The following CTDP1 variants were observed in gnomAD, a reference collection of about 807,000 sequenced individuals.
The protein encoded by CTDP1 is RNA polymerase II subunit A C-terminal domain phosphatase.
Under a neutral mutation model 91.8 loss-of-function variants are expected in CTDP1, and 47 were observed. The observed-to-expected ratio is 0.51, with a 90% confidence interval of 0.41 to 0.65. CTDP1 has a LOEUF of 0.65. Ranked by LOEUF, CTDP1 falls within the 30% of genes least tolerant of loss-of-function variation. The probability of loss-of-function intolerance (pLI) is 0.00; values close to 1 mark genes in which losing one functional copy is unlikely to be tolerated. For synonymous variants in CTDP1, 656 were observed against 598.5 expected, an observed-to-expected ratio of 1.10 and a Z score of -1.40; for missense variants, 1,272 against 1,373.7, an observed-to-expected ratio of 0.93 and a Z score of 1.17.
At chr18:79,701,246 C>G (rs557014524) in intron 4 of CTDP1, among the ~76,000 whole-genome samples, 2 of 152,224 alleles carry the variant, frequency 1.3e-5, no homozygotes, top group African/African-American at 4.8e-5. Context: ...CGCGGTGGCT[C>G]ACACCTATAA....
chr18:79,693,742 C>T (rs1362117361), intron 1 of CTDP1, among the ~76,000 whole-genome samples: 1 of 152,160 alleles, frequency 6.6e-6, no homozygotes, highest in Non-Finnish European at 1.5e-5. Context: ...CAGGGTGATC[C>T]GCACACGCCC....
chr18:79,745,363 C>G (rs74756922), intron 12 of CTDP1, among the ~76,000 whole-genome samples: 3 of 62,664 alleles, frequency 4.8e-5, no homozygotes, highest in Non-Finnish European at 8.7e-5. Flanking sequence ...CTCCCGTGCG[C>G]GTTCTGTGCC....
chr18:79,736,242 C>T (rs1282879302), intron 11 of CTDP1, 113 bp from the exon 12 acceptor site: 3 of 1,388,356 alleles, frequency 2.2e-6, no homozygotes, highest in African/African-American at 1.4e-5. Flanking sequence ...AGAGTGCTAC[C>T]TCCAGCCCCC....
chr18:79,736,360 C>T lies in CTDP1; in HGVS notation c.2586C>T (p.Asp862=), dbSNP rs758980034. The T allele has an allele frequency of 5.8e-6, 9 of 1,548,978 alleles. No individual in the cohort carries two copies. The South Asian group carries it at 7.1e-5, about 12-fold the overall frequency. The part of the protein sequence containing the change: ...EDLESMDKEV[D]DILGEGSDDS... Reference sequence around the variant, plus strand: ...GACTCTTGGCTGTTTGTCAGGTGGACGACATCCTTGGAGAAGGCAGCGACG... The same window carrying T: ...GACTCTTGGCTGTTTGTCAGGTGGATGACATCCTTGGAGAAGGCAGCGACG... The change falls in exon 12 of 13, where the codon GAC becomes GAT. Residue 862 remains aspartate, a synonymous_variant. Transcript: ENST00000613122.
At chr18:79,701,456 GC>G (rs2085854200) in intron 4 of CTDP1, among the ~76,000 whole-genome samples, 1 of 151,720 alleles carries the variant, frequency 6.6e-6, no homozygotes. Flanking sequence ...CTTGCAGTGA[GC>G]CACGATCGCA....
rs541320931 is a variant in CTDP1 at position 79,713,153 on chromosome 18, T to C, written c.1030+15T>C. 6.8e-6 allele frequency: 11 copies of C among 1,612,750 alleles called. No individual in the cohort carries two copies. In the South Asian group the frequency reaches 1.1e-4, roughly 16 times the overall value. On this transcript the variant is annotated intron_variant, in intron 7 of 12. Coordinates refer to ENST00000613122, the MANE Select transcript of CTDP1 (RefSeq NM_004715.5). The surrounding 1 kb of genome is among the most constrained non-coding windows in gnomAD (Gnocchi z 4.7). ...GAGAAAGAAAGGTGGGTAACCTCCT[T>C]CCTGATTCTCTAGAAGAATTCACAT...
intron 10 of CTDP1, among the ~76,000 whole-genome samples, chr18:79,725,379 G>T (rs910811913): frequency 5.3e-5 from 8 of 152,154 alleles, no homozygotes; most frequent in African/African-American, 1.9e-4. Context: ...CAGTGAGACC[G>T]TCTGGTCCTG....
chr18:79,686,967 G>A (rs1469180678), intron 1 of CTDP1, among the ~76,000 whole-genome samples: 1 of 142,736 alleles, frequency 7.0e-6, no homozygotes, highest in Non-Finnish European at 1.5e-5. Context: ...GCAGCAGTTG[G>A]CTTCTCCAGT....
intron 12 of CTDP1, among the ~76,000 whole-genome samples, chr18:79,746,394 A>G (rs73482259): frequency 0.069 from 8,244 of 119,980 alleles, 562 homozygotes; most frequent in Middle Eastern, 0.18. Context: ...CGTCCCTCCC[A>G]TGCGTGTTCT....
chr18:79,715,009 G>T lies in CTDP1; in HGVS notation c.1549G>T (p.Ala517Ser), dbSNP rs1249776426. Residue 517 changes from alanine to serine, a missense_variant, in exon 8 of 13, where the codon GCC (alanine) becomes TCC (serine). By Grantham distance (99) the Ala-to-Ser change is moderately conservative. This residue lies in a region of CTDP1 where 881 missense variants were observed against 911.6 expected (regional missense o/e 0.97). Coordinates refer to ENST00000613122, the MANE Select transcript of CTDP1 (RefSeq NM_004715.5). The part of the protein sequence containing the change: ...RPAAPSLPGE[A>S]EPGAHAPDKE... ...TGCAGCACCGAGTCTCCCCGGAGAG[G>T]CCGAGCCTGGCGCGCATGCCCCGGA... 2.4e-5 allele frequency: 38 copies of T among 1,591,686 alleles called. No individual in the cohort carries two copies. Among genetic ancestry groups the T allele is most frequent in the Non-Finnish European group, 3.1e-5 (36 of 1,170,478 alleles).
intron 2 of CTDP1, 32 bp from the exon 3 acceptor site, chr18:79,695,945 T>C: frequency 1.3e-6 from 2 of 1,591,300 alleles, no homozygotes; most frequent in Non-Finnish European, 1.7e-6. Context: ...GAGACTCAGC[T>C]GAAAGCCCTG....
chr18:79,729,189 T>C, intron 11 of CTDP1, 120 bp downstream of exon 11: 2 of 1,282,818 alleles, frequency 1.6e-6, no homozygotes, highest in South Asian at 1.2e-5. Flanking sequence ...CCTGCACTTG[T>C]GTAGTTGTGT....
At chr18:79,683,167 A>G (rs1333381514) in intron 1 of CTDP1, 1 of 152,198 alleles carries the variant, frequency 6.6e-6, no homozygotes, top group Non-Finnish European at 1.5e-5. Context: ...ATTTTTACTA[A>G]GCAAGTTCCC....
chr18:79,704,305 C>T (rs940709397), intron 4 of CTDP1, among the ~76,000 whole-genome samples: 1 of 152,208 alleles, frequency 6.6e-6, no homozygotes, highest in Non-Finnish European at 1.5e-5. Flanking sequence ...CACTCCTATC[C>T]CCTGTCCCAT....
At chr18:79,680,332 T>G (rs1421922509) in intron 1 of CTDP1, 71 bp downstream of exon 1, 1 of 1,193,322 alleles carries the variant, frequency 8.4e-7, no homozygotes, top group Non-Finnish European at 1.1e-6. Flanking sequence ...ACCCCCGGGC[T>G]GCTGCGTCCG....
At chr18:79,750,668 CTTTTTT>C (rs749153854) in intron 12 of CTDP1, among the ~76,000 whole-genome samples, 2 of 94,230 alleles carry the variant, frequency 2.1e-5, no homozygotes, top group Non-Finnish European at 4.2e-5. Context: ...TAATTTTTTG[CTTTTTT>C]TTTTTTTTTT....
chr18:79,679,664 C>G, upstream of CTDP1: 1 of 521,934 alleles, frequency 1.9e-6, no homozygotes, highest in South Asian at 1.6e-5. Context: ...AGGTAGGGCT[C>G]AGGAACGCAG....
chr18:79,727,697 G>T (rs1599282065), intron 10 of CTDP1, among the ~76,000 whole-genome samples: 1 of 152,130 alleles, frequency 6.6e-6, no homozygotes, highest in East Asian at 1.9e-4. Context: ...TTGACTTAGT[G>T]CCCGTTTTCC....
chr18:79,723,838 C>T (rs995405113), intron 10 of CTDP1, among the ~76,000 whole-genome samples: 2 of 152,214 alleles, frequency 1.3e-5, no homozygotes, highest in African/African-American at 4.8e-5. Flanking sequence ...CGCGCCCTCT[C>T]CGGAGTGCTG....
Sources: allele counts gnomAD v4.1 joint callset (sites outside exome capture counted in the v4.1 genomes callset), GRCh38; gene constraint gnomAD v4.1.1; regional missense constraint gnomAD v4.1.1; non-coding constraint Gnocchi (gnomAD v3.1); transcripts MANE v1.5; gene names NCBI Gene and HGNC (gene_info 2026-07-23, HGNC 2026-07-21).